CACNA1I: variants seen among roughly 807,000 people sequenced by gnomAD.
CACNA1I encodes voltage-dependent T-type calcium channel subunit alpha-1I.
A neutral mutation model predicts 201.6 loss-of-function variants in CACNA1I; 74 were observed. The observed-to-expected ratio is 0.37, with a 90% CI of 0.30 to 0.45. The LOEUF is 0.45. Ranked by LOEUF, CACNA1I falls within the 20% of genes least tolerant of loss-of-function variation. The probability of loss-of-function intolerance (pLI) is 1.00; values close to 1 mark genes in which losing one functional copy is unlikely to be tolerated. For synonymous variants in CACNA1I, 1,431 were observed against 1,345.2 expected (o/e 1.06, Z -1.40); for missense variants, 2,346 against 3,138.1 (o/e 0.75, Z 6.03).
At chr22:39,585,699 T>TAAAAAAAA (rs577223485) in intron 1 of CACNA1I, among the ~76,000 whole-genome samples, 1 of 90,450 alleles carries the variant, frequency 1.1e-5, no homozygotes, top group Non-Finnish European at 2.2e-5. Context: ...GCTGTAAACT[T>TAAAAAAAA]AAAAAAAAAA....
chr22:39,578,590 C>A (rs549104105), intron 1 of CACNA1I, among the ~76,000 whole-genome samples: 10 of 152,176 alleles, frequency 6.6e-5, no homozygotes, highest in Admixed American at 2.0e-4. Context: ...TGGGCTCCCC[C>A]TCTCCTCCCC....
chr22:39,585,747 T>TC (rs1465362723), intron 1 of CACNA1I, among the ~76,000 whole-genome samples: 1 of 145,472 alleles, frequency 6.9e-6, no homozygotes, highest in East Asian at 2.0e-4. Flanking sequence ...TTTTTTTTTT[T>TC]GCAATGCGGT....
intron 5 of CACNA1I, among the ~76,000 whole-genome samples, chr22:39,636,088 A>G (rs1934210865): frequency 6.6e-6 from 1 of 152,180 alleles, no homozygotes; most frequent in Admixed American, 6.5e-5. Context: ...TAATTGTTGA[A>G]GGAATAAGTG....
rs1214251614 is a variant in CACNA1I, at chr22:39,640,923, C to G, written c.797C>G (p.Pro266Arg). The G allele has an allele frequency of 6.2e-7, 1 of 1,613,904 alleles. No individual in the cohort carries two copies. Residue 266 changes from proline (P) to arginine (R), a missense_variant, in exon 6 of 37, where the codon CCC (proline) becomes CGC (arginine). Coordinates refer to ENST00000402142, the MANE Select transcript of CACNA1I (RefSeq NM_021096.4). ...CAGCCGGAGGAGGATGATGAGATGC[C>G]CTTCATCTGCTCCCTGTCGGGCGAC... ...YYQPEEDDEM[P>R]FICSLSGDNG...
intron 4 of CACNA1I, 49 bp from the exon 5 acceptor site, chr22:39,634,516 G>A (rs1335477855): frequency 1.9e-6 from 3 of 1,594,192 alleles, no homozygotes; most frequent in Non-Finnish European, 2.6e-6. Context: ...TTTCGTCTCT[G>A]GGACCTCTGC....
Position 39,662,387 on chromosome 22 carries a change from G to A in CACNA1I, c.3324G>A (p.Lys1108=). The change falls in exon 17 of 37, where the codon AAG becomes AAA. Residue 1108 remains lysine (K), a synonymous_variant. Transcript: ENST00000402142. The stretch of plus-strand genomic sequence containing the variant: ...GCATCGCCAAAGACGTCTTCACCAA[G>A]ATGGGCGACCGCGGGGATCGCGGGG... ...MPSIAKDVFT[K]MGDRGDRGED... 2 of 1,477,136 alleles carry A rather than the reference G, an allele frequency of 1.4e-6. No homozygotes were observed. The highest frequency in any genetic ancestry group is 1.8e-6 in the Non-Finnish European group (2 of 1,122,726). 91.5% of individuals were successfully genotyped at this position (1,477,136 alleles called of 1,614,324 possible).
At position 39,671,487 on chromosome 22, in the gene CACNA1I, G is replaced by A. The variant is rs140073970; in HGVS notation, c.4539+533G>A. 8.1e-3 allele frequency among the ~76,000 whole-genome samples: 1,231 copies of A among 152,268 alleles called. 17 individuals carry two copies. Among genetic ancestry groups the A allele is most frequent in the African/African-American group, 0.027 (1,131 of 41,536 alleles). ...GGGTATATGGAGACGAGGCAAAAGG[G>A]TGGAAGGACCATTTCAGGCAAACAC... On this transcript the variant is annotated intron_variant, in intron 26 of 36. Transcript: ENST00000402142.
At chr22:39,586,749 G>A (rs1482532642) in intron 1 of CACNA1I, among the ~76,000 whole-genome samples, 2 of 152,160 alleles carry the variant, frequency 1.3e-5, no homozygotes, top group African/African-American at 2.4e-5. Flanking sequence ...GGGGAGACAC[G>A]CGGCAGAGGA....
In CACNA1I at chr22:39,649,648, C is replaced by T. The variant is rs372904212; in HGVS notation, c.1715C>T (p.Ser572Leu). 1.4e-4 allele frequency: 215 copies of T among 1,521,446 alleles called. No individual in the cohort carries two copies. The highest frequency in any genetic ancestry group is 5.3e-4 in the Admixed American group (26 of 48,758). The allele number at this position is 1,521,446 out of a possible 1,614,324, so 94.2% of individuals were successfully genotyped here. ...CCCTCGGGCCTGGGCAGCACCGACTCGGGCCAGGAGGGCTCGGGCTCCGGG... is the reference window on the plus strand; with the variant it reads ...CCCTCGGGCCTGGGCAGCACCGACTTGGGCCAGGAGGGCTCGGGCTCCGGG... ...RRPSGLGSTD[S>L]GQEGSGSGSS... Residue 572 changes from serine (S) to leucine (L), a missense_variant, in exon 10 of 37, where the codon TCG (serine) becomes TTG (leucine). By Grantham distance (145) the Ser-to-Leu change is moderately radical. Coordinates refer to ENST00000402142, the MANE Select transcript of CACNA1I (RefSeq NM_021096.4). The surrounding 1 kb of genome is among the most constrained non-coding windows in gnomAD (Gnocchi z 7.3).
In CACNA1I at chr22:39,677,364, C is replaced by A; in HGVS notation, c.4878C>A (p.Phe1626Leu). The A allele has an allele frequency of 1.2e-6, 2 of 1,600,032 alleles. No individual in the cohort carries two copies. Among genetic ancestry groups the A allele is most frequent in the East Asian group, 2.2e-5 (1 of 44,620 alleles). Residue 1626 changes from phenylalanine (F) to leucine (L), a missense_variant, in exon 30 of 37, where the codon TTC becomes TTA. Physicochemically the swap from Phe to Leu is conservative, Grantham distance 22. Transcript: ENST00000402142. This position sits in a 1 kb window ranked among gnomAD's most constrained non-coding sequence, Gnocchi z 4.8. ...LPQVGNLGLL[F>L]MLLFFIYAAL... is the part of the protein sequence containing the mutation. Reference sequence around the variant, plus strand: ...AGGTGGGCAACCTGGGCCTCCTCTTCATGCTGCTCTTCTTCATCTATGCTG... The same window carrying A: ...AGGTGGGCAACCTGGGCCTCCTCTTAATGCTGCTCTTCTTCATCTATGCTG...
At position 39,649,601 on chromosome 22, in the gene CACNA1I, C is replaced by G. The variant is rs1186127963; in HGVS notation, c.1668C>G (p.Cys556Trp). The G allele has an allele frequency of 6.5e-7, 1 of 1,542,056 alleles. No individual in the cohort carries two copies. The highest frequency in any genetic ancestry group is 1.4e-5 in the African/African-American group (1 of 72,904). Residue 556 changes from cysteine to tryptophan, a missense_variant, in exon 10 of 37, where the codon TGC (cysteine) becomes TGG (tryptophan). This residue lies in a region of CACNA1I where 312 missense variants were observed against 331.5 expected (regional missense o/e 0.94). Transcript: ENST00000402142. This position sits in a 1 kb window ranked among gnomAD's most constrained non-coding sequence, Gnocchi z 7.3. ...CCGATCCCGCCAGCTGCCCTTGCTGCCAGCATGAGGACGGCCGGCGGCCCT... is the reference window on the plus strand; with the variant it reads ...CCGATCCCGCCAGCTGCCCTTGCTGGCAGCATGAGGACGGCCGGCGGCCCT... ...LASDPASCPC[C>W]QHEDGRRPSG... is the part of the protein sequence containing the mutation.
At chr22:39,592,518 A>G (rs898229666) in intron 1 of CACNA1I, among the ~76,000 whole-genome samples, 5 of 152,168 alleles carry the variant, frequency 3.3e-5, no homozygotes, top group African/African-American at 1.2e-4. Flanking sequence ...GCTCTGTGGC[A>G]AAGGTCACCC....
intron 7 of CACNA1I, among the ~76,000 whole-genome samples, chr22:39,644,344 G>C (rs867886228): frequency 1.1e-4 from 16 of 152,236 alleles, no homozygotes; most frequent in Non-Finnish European, 1.8e-4. Flanking sequence ...GACAGTGACA[G>C]CACCTTGCTC....
intron 3 of CACNA1I, among the ~76,000 whole-genome samples, chr22:39,611,266 T>G (rs1292782303): frequency 6.6e-6 from 1 of 152,192 alleles, no homozygotes; most frequent in East Asian, 1.9e-4. Context: ...TAACACCATT[T>G]TGCAGATGAG....
chr22:39,646,801 A>G lies in CACNA1I; in HGVS notation c.1382A>G (p.Gln461Arg). The change falls in exon 8 of 37, where the codon CAG (glutamine) becomes CGG (arginine). Residue 461 changes from glutamine (Q) to arginine (R), a missense_variant. This residue lies in a region of CACNA1I where 312 missense variants were observed against 331.5 expected (regional missense o/e 0.94). Coordinates refer to ENST00000402142, the MANE Select transcript of CACNA1I (RefSeq NM_021096.4). ...GCCCTGGGCCTCTACCAGGCCCTGCAGAGCCGGCGCCAGGCCCTGGGCCCG... is the reference window on the plus strand; with the variant it reads ...GCCCTGGGCCTCTACCAGGCCCTGCGGAGCCGGCGCCAGGCCCTGGGCCCG... ...RRALGLYQAL[Q>R]SRRQALGPEA... The G allele has an allele frequency of 9.0e-6, 14 of 1,557,558 alleles. No individual in the cohort carries two copies. The highest frequency in any genetic ancestry group is 1.2e-5 in the Non-Finnish European group (14 of 1,151,218).
At chr22:39,662,956 C>T in intron 18 of CACNA1I, 80 bp downstream of exon 18, 1 of 979,476 alleles carries the variant, frequency 1.0e-6, no homozygotes, top group East Asian at 2.6e-5. Context: ...CCAGGCAAGG[C>T]CATTGGTGGC....
At chr22:39,607,578 A>G (rs909157979) in intron 3 of CACNA1I, among the ~76,000 whole-genome samples, 9 of 152,232 alleles carry the variant, frequency 5.9e-5, no homozygotes, top group Non-Finnish European at 1.2e-4. Flanking sequence ...TGGGAACCGC[A>G]GGAAGGGGAA....
chr22:39,586,133 G>A (rs1341292354), intron 1 of CACNA1I, among the ~76,000 whole-genome samples: 5 of 151,954 alleles, frequency 3.3e-5, no homozygotes, highest in Non-Finnish European at 5.9e-5. Context: ...AGCCGAGATC[G>A]TGCCATTGTA....
chr22:39,608,911 C>A (rs1933302673), intron 3 of CACNA1I, among the ~76,000 whole-genome samples: 1 of 152,120 alleles, frequency 6.6e-6, no homozygotes, highest in Non-Finnish European at 1.5e-5. Flanking sequence ...CTGACTCTTA[C>A]AGACTCTTGG....
Sources: allele counts gnomAD v4.1 joint callset (sites outside exome capture counted in the v4.1 genomes callset), GRCh38; gene constraint gnomAD v4.1.1; regional missense constraint gnomAD v4.1.1; non-coding constraint Gnocchi (gnomAD v3.1); transcripts MANE v1.5; gene names NCBI Gene and HGNC (gene_info 2026-07-23, HGNC 2026-07-21).